Variants in PGM5 observed in about 807,000 individuals in gnomAD.
The protein encoded by PGM5 is phosphoglucomutase 5, also known as phosphoglucomutase-like protein 5.
Under a neutral mutation model 59.2 loss-of-function variants are expected in PGM5, and 23 were observed. That is an observed-to-expected ratio of 0.39 (90% CI 0.28 to 0.55). The LOEUF (loss-of-function observed/expected upper bound fraction) is 0.55. Among genes scored for constraint, PGM5 ranks in the 20% least tolerant of loss-of-function variants. The pLI, the probability that PGM5 is intolerant of heterozygous loss-of-function variation, is 0.66. For missense variants in PGM5, 574 were observed against 748.3 expected, an observed-to-expected ratio of 0.77 and a Z score of 2.72; for synonymous variants, 214 against 286.0, an observed-to-expected ratio of 0.75 and a Z score of 2.54.
At chr9:68,524,735 T>A (rs1008449216) in intron 10 of PGM5, among the ~76,000 whole-genome samples, 20 of 152,172 alleles carry the variant, frequency 1.3e-4, no homozygotes, top group Non-Finnish European at 2.1e-4. Context: ...ATTTCCCTGC[T>A]CCTCCCCATT....
chr9:68,481,314 G>A (rs1332488066), intron 8 of PGM5, among the ~76,000 whole-genome samples: 1 of 152,180 alleles, frequency 6.6e-6, no homozygotes, highest in African/African-American at 2.4e-5. Flanking sequence ...GAAAGCTGGG[G>A]ATGTGATAGC....
intron 2 of PGM5, among the ~76,000 whole-genome samples, chr9:68,383,136 G>A (rs1325988276): frequency 6.6e-6 from 1 of 151,730 alleles, no homozygotes. Flanking sequence ...AATCTTCTGG[G>A]CTGTCTTCTC....
intron 9 of PGM5, among the ~76,000 whole-genome samples, chr9:68,490,748 T>A (rs1187212247): frequency 6.6e-6 from 1 of 152,206 alleles, no homozygotes; most frequent in African/African-American, 2.4e-5. Context: ...GGAGTGCCAT[T>A]TGCTGGAGTG....
chr9:68,485,379 G>A (rs576769340), intron 9 of PGM5, among the ~76,000 whole-genome samples: 75 of 152,172 alleles, frequency 4.9e-4, no homozygotes, highest in Middle Eastern at 3.4e-3. Flanking sequence ...TAATCCCCAC[G>A]TGTCATGGGA....
chr9:68,529,788 G>C lies in PGM5; in HGVS notation c.*132G>C. 1 of 479,740 alleles carries C rather than the reference G, an allele frequency of 2.1e-6. No individual in the cohort carries two copies. 29.7% of individuals were successfully genotyped at this position (479,740 alleles called of 1,614,324 possible). A position where few individuals can be genotyped will look rare whatever the true frequency, so the allele number is the denominator to read the frequency against. ...AAAGATATTTTGCTTTTGGGGGATAGAGGGTGGGTGGGAAAAGAAAAAAAA... is the reference window on the plus strand; with the variant it reads ...AAAGATATTTTGCTTTTGGGGGATACAGGGTGGGTGGGAAAAGAAAAAAAA... On this transcript the variant is annotated 3_prime_UTR_variant, in exon 11 of 11. Coordinates refer to ENST00000396396, the MANE Select transcript of PGM5 (RefSeq NM_021965.4).
intron 10 of PGM5, among the ~76,000 whole-genome samples, chr9:68,526,129 T>G (rs1163408688): frequency 2.0e-5 from 3 of 152,016 alleles, no homozygotes; most frequent in African/African-American, 7.2e-5. Flanking sequence ...GGCAAAAAAT[T>G]CAATCTTGGG....
intron 6 of PGM5, among the ~76,000 whole-genome samples, chr9:68,426,660 G>A (rs1823244308): frequency 6.6e-6 from 1 of 151,646 alleles, no homozygotes; most frequent in Non-Finnish European, 1.5e-5. Flanking sequence ...TTCCAGAAGG[G>A]AGGTTGTGGA....
intron 7 of PGM5, among the ~76,000 whole-genome samples, chr9:68,467,591 A>G (rs903859941): frequency 2.6e-5 from 4 of 152,146 alleles, no homozygotes; most frequent in East Asian, 3.8e-4. Context: ...CCCCCTCCCC[A>G]TTAACAGTTT....
At chr9:68,459,289 G>A (rs1380002071) in intron 6 of PGM5, among the ~76,000 whole-genome samples, 2 of 152,124 alleles carry the variant, frequency 1.3e-5, no homozygotes, top group Non-Finnish European at 2.9e-5. Flanking sequence ...GAACACACCC[G>A]TGTAACTACC....
chr9:68,450,322 C>G (rs1823675762), intron 6 of PGM5, among the ~76,000 whole-genome samples: 1 of 152,146 alleles, frequency 6.6e-6, no homozygotes, highest in South Asian at 2.1e-4. Context: ...GGGCTCTAAC[C>G]AAGACCTGTA....
intron 1 of PGM5, among the ~76,000 whole-genome samples, chr9:68,361,474 C>T (rs555817923): frequency 6.6e-6 from 1 of 152,366 alleles, no homozygotes; most frequent in East Asian, 1.9e-4. Flanking sequence ...TAACAAAATA[C>T]CAAAAACTGG....
intron 10 of PGM5, among the ~76,000 whole-genome samples, chr9:68,520,769 C>A (rs1415710565): frequency 6.6e-6 from 1 of 152,164 alleles, no homozygotes; most frequent in Non-Finnish European, 1.5e-5. Flanking sequence ...AAAACCTGGA[C>A]GTAGGCTATA....
intron 6 of PGM5, among the ~76,000 whole-genome samples, chr9:68,439,330 C>T (rs1554683537): frequency 6.6e-6 from 1 of 150,898 alleles, no homozygotes; most frequent in African/African-American, 2.4e-5. Flanking sequence ...CATGCCACTG[C>T]ACTCTAGCCT....
intron 10 of PGM5, among the ~76,000 whole-genome samples, chr9:68,509,708 A>G (rs530048293): frequency 2.6e-4 from 39 of 152,212 alleles, no homozygotes; most frequent in African/African-American, 8.9e-4. Context: ...GTAAAGCATG[A>G]TGAGAAGGTT....
At chr9:68,395,246 T>C (rs1554679881) in intron 6 of PGM5, among the ~76,000 whole-genome samples, 2 of 152,190 alleles carry the variant, frequency 1.3e-5, no homozygotes, top group African/African-American at 4.8e-5. Context: ...TTCTTTCCCC[T>C]GAATAGCCTT....
At position 68,437,577 on chromosome 9, in the gene PGM5, T is replaced by A. The variant is rs201663908; in HGVS notation, c.1044-27516T>A. On this transcript the variant is annotated intron_variant, in intron 6 of 10. Coordinates refer to ENST00000396396, the MANE Select transcript of PGM5 (RefSeq NM_021965.4). This position sits in a 1 kb window ranked among gnomAD's most constrained non-coding sequence, Gnocchi z 4.1. ...CAATTTTTCAAAGGGACACACACAC[T>A]CACACACACACACACACACACACTC... Among the ~76,000 whole-genome samples, 2,268 of 145,250 alleles carry A rather than the reference T, an allele frequency of 0.016. 19 individuals carry two copies. The highest frequency in any genetic ancestry group is 0.026 in the Non-Finnish European group (1,698 of 66,216).
At chr9:68,454,715 G>A (rs115458549) in intron 6 of PGM5, among the ~76,000 whole-genome samples, 3,339 of 152,260 alleles carry the variant, frequency 0.022, 117 homozygotes, top group African/African-American at 0.074. Flanking sequence ...GTGGAGCTGC[G>A]TGGGGACTGA....
At chr9:68,497,228 A>G (rs1824496094) in intron 9 of PGM5, 1 of 152,202 alleles carries the variant, frequency 6.6e-6, no homozygotes, top group Non-Finnish European at 1.5e-5. Context: ...TGTTCGTTGT[A>G]AAAAATTACT....
At chr9:68,518,834 A>G (rs1227432490) in intron 10 of PGM5, among the ~76,000 whole-genome samples, 1 of 152,214 alleles carries the variant, frequency 6.6e-6, no homozygotes, top group South Asian at 2.1e-4. Flanking sequence ...ATTTAGTTGG[A>G]GTCTCAAAAG....
Sources: gnomAD v4.1 joint callset for allele counts (sites outside exome capture counted in the v4.1 genomes callset) on GRCh38, gnomAD v4.1.1 for gene constraint, Gnocchi (gnomAD v3.1) non-coding constraint, MANE v1.5 for transcripts, NCBI Gene and HGNC (gene_info 2026-07-23, HGNC 2026-07-21) for gene names.